Variants in FBXL17 observed in about 807,000 individuals in gnomAD.
The protein encoded by FBXL17 is F-box/LRR-repeat protein 17.
FBXL17 carries 22 observed loss-of-function variants against 66.2 expected under a neutral mutation model. The observed-to-expected ratio is 0.33, with a 90% confidence interval of 0.24 to 0.47. The LOEUF is 0.47. FBXL17 is among the 20% of genes least tolerant of loss of function. FBXL17 has a pLI of 1.00. For synonymous variants in FBXL17, 474 were observed against 400.5 expected (o/e 1.18, Z -2.19); for missense variants, 878 against 948.2 (o/e 0.93, Z 0.97).
intron 5 of FBXL17, among the ~76,000 whole-genome samples, chr5:108,212,072 G>A (rs1391167158): frequency 6.6e-6 from 1 of 151,868 alleles, no homozygotes; most frequent in Non-Finnish European, 1.5e-5. Context: ...CTTTCATTAA[G>A]TTGATCTTCA....
At chr5:107,928,498 T>C (rs970615159) in intron 7 of FBXL17, among the ~76,000 whole-genome samples, 3 of 152,060 alleles carry the variant, frequency 2.0e-5, no homozygotes, top group Non-Finnish European at 2.9e-5. Context: ...GGCTGTATTG[T>C]ATTTTGAAAT....
At chr5:108,354,163 A>G (rs1176618324) in intron 3 of FBXL17, among the ~76,000 whole-genome samples, 1 of 152,154 alleles carries the variant, frequency 6.6e-6, no homozygotes, top group African/African-American at 2.4e-5. Context: ...CATCGTGTCC[A>G]CCTTTCAATG....
At chr5:108,262,064 T>TTATG (rs1346046087) in intron 4 of FBXL17, among the ~76,000 whole-genome samples, 1 of 134,800 alleles carries the variant, frequency 7.4e-6, no homozygotes, top group Non-Finnish European at 1.6e-5. Context: ...TTTTATTTAT[T>TTATG]TATTTATTTA....
chr5:108,002,720 A>T (rs916137001), intron 7 of FBXL17, among the ~76,000 whole-genome samples: 12 of 152,234 alleles, frequency 7.9e-5, no homozygotes, highest in Non-Finnish European at 1.8e-4. Flanking sequence ...ATACTAATAC[A>T]TCCCACAACA....
intron 4 of FBXL17, among the ~76,000 whole-genome samples, chr5:108,258,046 C>T (rs1756650633): frequency 6.6e-6 from 1 of 152,116 alleles, no homozygotes; most frequent in South Asian, 2.1e-4. Context: ...ATACATAGAG[C>T]ATACTATAAA....
chr5:108,193,672 G>T (rs770434073), intron 5 of FBXL17, among the ~76,000 whole-genome samples: 1 of 152,098 alleles, frequency 6.6e-6, no homozygotes, highest in Non-Finnish European at 1.5e-5. Context: ...CAGCATCTGA[G>T]GGTAGAACTG....
intron 1 of FBXL17, among the ~76,000 whole-genome samples, chr5:108,373,373 T>C (rs2112622163): frequency 7.0e-6 from 1 of 143,620 alleles, no homozygotes; most frequent in East Asian, 2.0e-4. Flanking sequence ...TTAATATAAA[T>C]ATATATCTAA....
chr5:108,316,044 T>G lies in FBXL17; in HGVS notation c.1506+32355A>C, dbSNP rs1252614083. Among the ~76,000 whole-genome samples the G allele has an allele frequency of 2.6e-5, 4 of 151,344 alleles. No individual in the cohort carries two copies. In the Admixed American group the frequency reaches 2.6e-4, roughly 10 times the overall value. The stretch of plus-strand genomic sequence containing the variant: ...TCTCCTGACATCTATTAAACAAAGG[T>G]CTTCAGTAATAAAATCTCTTTGAAT... On this transcript the variant is annotated intron_variant, in intron 4 of 8. Transcript: ENST00000542267.
At chr5:108,009,242 T>TC (rs1754061363) in intron 7 of FBXL17, among the ~76,000 whole-genome samples, 1 of 69,658 alleles carries the variant, frequency 1.4e-5, no homozygotes, top group Non-Finnish European at 2.7e-5. Context: ...TACAGCTTGG[T>TC]CGTGAGTTGT....
In FBXL17 at chr5:108,126,684, T is replaced by TATATAC. The variant is rs1313924066; in HGVS notation, c.1745+59432_1745+59433insGTATAT. Among the ~76,000 whole-genome samples, 545 of 135,178 alleles carry TATATAC rather than the reference T, an allele frequency of 4.0e-3. 2 individuals are homozygous for TATATAC. The highest frequency in any genetic ancestry group is 0.011 in the East Asian group (48 of 4,480). 88.7% of individuals were successfully genotyped at this position (135,178 alleles called of 152,430 possible). On this transcript the variant is annotated intron_variant, in intron 6 of 8. Transcript: ENST00000542267. Reference sequence around the variant, plus strand: ...ATATACATATATATATATATATATATACACACATACATAACATGAGTCAGC... The same window carrying TATATAC: ...ATATACATATATATATATATATATATATATACACACACATACATAACATGAGTCAGC...
At chr5:108,007,839 G>C (rs372557331) in intron 7 of FBXL17, among the ~76,000 whole-genome samples, 2 of 152,190 alleles carry the variant, frequency 1.3e-5, no homozygotes, top group African/African-American at 2.4e-5. Flanking sequence ...GAGTATGTGA[G>C]AGCGTCATCA....
intron 7 of FBXL17, among the ~76,000 whole-genome samples, chr5:107,952,979 C>A (rs1438905181): frequency 6.6e-6 from 1 of 152,122 alleles, no homozygotes; most frequent in East Asian, 1.9e-4. Context: ...ATATTCCTCC[C>A]CTCTCACAGG....
intron 6 of FBXL17, among the ~76,000 whole-genome samples, chr5:108,074,314 T>A (rs866032882): frequency 0.03 from 4,534 of 150,650 alleles, 255 homozygotes; most frequent in African/African-American, 0.1. Context: ...GAAAAGATTT[T>A]TTTTTTTTTT....
chr5:108,298,436 C>G, intron 4 of FBXL17: 2 of 973,438 alleles, frequency 2.1e-6, no homozygotes, highest in Non-Finnish European at 2.4e-6. Flanking sequence ...AAACTAAAAT[C>G]TAAACAAAAC....
chr5:108,133,136 T>C (rs1385983222), intron 6 of FBXL17, among the ~76,000 whole-genome samples: 1 of 152,166 alleles, frequency 6.6e-6, no homozygotes, highest in African/African-American at 2.4e-5. Context: ...ATGATGACAA[T>C]TTTAAAAGCA....
chr5:108,373,441 A>G (rs1022560030), intron 1 of FBXL17, among the ~76,000 whole-genome samples: 1 of 147,806 alleles, frequency 6.8e-6, no homozygotes, highest in East Asian at 1.9e-4. Flanking sequence ...AATTATATGT[A>G]TATATGAGAA....
chr5:108,049,075 A>G (rs1309784370), intron 6 of FBXL17, among the ~76,000 whole-genome samples: 2 of 152,204 alleles, frequency 1.3e-5, no homozygotes, highest in Non-Finnish European at 2.9e-5. Flanking sequence ...TACAAAGGGA[A>G]GCCCATCAGA....
At chr5:108,374,691 A>G (rs1442164344) in intron 1 of FBXL17, among the ~76,000 whole-genome samples, 1 of 152,132 alleles carries the variant, frequency 6.6e-6, no homozygotes, top group Non-Finnish European at 1.5e-5. Context: ...ATGAAAGAAA[A>G]GAGAAGAGGA....
Position 108,299,359 on chromosome 5 carries a change from TA to T in FBXL17, c.1506+49039del, listed in dbSNP as rs1758484687. The T allele has an allele frequency of 1.0e-5, 10 of 984,246 alleles. No homozygotes were observed. The South Asian group carries it at 3.8e-4, about 37-fold the overall frequency. The allele number at this position is 984,246 out of a possible 1,614,324, so 61.0% of individuals were successfully genotyped here. ...CATTAAAGTATATTTTGTACATACA[TA>T]GTACAGTTTTCAAACTACGTTTTCA... On this transcript the variant is annotated intron_variant, in intron 4 of 8. Coordinates refer to ENST00000542267, the MANE Select transcript of FBXL17 (RefSeq NM_001163315.3).
Sources: allele counts gnomAD v4.1 joint callset (sites outside exome capture counted in the v4.1 genomes callset), GRCh38; gene constraint gnomAD v4.1.1; transcripts MANE v1.5; gene names NCBI Gene and HGNC (gene_info 2026-07-23, HGNC 2026-07-21).